KLHL32: variants seen among roughly 807,000 people sequenced by gnomAD.
KLHL32 encodes the protein kelch like family member 32.
A neutral mutation model predicts 64.8 loss-of-function variants in KLHL32; 35 were observed. The observed-to-expected ratio is 0.54, with a 90% CI of 0.41 to 0.72. KLHL32 has a LOEUF of 0.72. KLHL32 is among the 30% of genes least tolerant of loss of function. The pLI, the probability that KLHL32 is intolerant of heterozygous loss-of-function variation, is 0.00. For synonymous variants in KLHL32, 259 were observed against 281.0 expected (o/e 0.92, Z 0.78); for missense variants, 589 against 768.5 (o/e 0.77, Z 2.76).
At chr6:97,111,938 AT>A (rs1417852263) in intron 6 of KLHL32, among the ~76,000 whole-genome samples, 12 of 151,680 alleles carry the variant, frequency 7.9e-5, no homozygotes, top group South Asian at 6.2e-4. Context: ...CTCTCCAACT[AT>A]AGTCTCTGAC....
At chr6:96,954,785 GT>G (rs1355957359) in intron 1 of KLHL32, among the ~76,000 whole-genome samples, 1 of 152,192 alleles carries the variant, frequency 6.6e-6, no homozygotes, top group Non-Finnish European at 1.5e-5. Flanking sequence ...CAGTAACCAT[GT>G]AGTGCAGATT....
intron 1 of KLHL32, among the ~76,000 whole-genome samples, chr6:96,964,334 T>C (rs1255346757): frequency 2.0e-5 from 3 of 152,170 alleles, no homozygotes; most frequent in Non-Finnish European, 2.9e-5. Context: ...GTTCACTCTA[T>C]TTATGGTGAG....
At chr6:96,960,089 C>T (rs916986380) in intron 1 of KLHL32, among the ~76,000 whole-genome samples, 1 of 152,152 alleles carries the variant, frequency 6.6e-6, no homozygotes, top group African/African-American at 2.4e-5. Context: ...CAGATCCATA[C>T]AGAATAGGGG....
chr6:97,091,048 A>G (rs145317046), intron 6 of KLHL32, among the ~76,000 whole-genome samples: 132 of 152,208 alleles, frequency 8.7e-4, no homozygotes, highest in Middle Eastern at 6.8e-3. Flanking sequence ...ACATAGTGAG[A>G]CCCCTGTCTC....
At position 97,027,806 on chromosome 6, in the gene KLHL32, G is replaced by A. The variant is rs1055489647; in HGVS notation, c.205-13686G>A. Among the ~76,000 whole-genome samples the A allele has an allele frequency of 3.3e-5, 5 of 152,148 alleles. No homozygotes were observed. In the East Asian group the frequency reaches 5.8e-4, roughly 18 times the overall value. On this transcript the variant is annotated intron_variant, in intron 3 of 10. Coordinates refer to ENST00000369261, the MANE Select transcript of KLHL32 (RefSeq NM_052904.4). ...TTCTGCCCAGCCTACAAAACTTCGAGCATTGGCTTCAAGCACTAACATTTT... is the reference window on the plus strand; with the variant it reads ...TTCTGCCCAGCCTACAAAACTTCGAACATTGGCTTCAAGCACTAACATTTT...
intron 6 of KLHL32, among the ~76,000 whole-genome samples, chr6:97,110,962 A>G (rs1056034741): frequency 2.7e-4 from 41 of 152,148 alleles, no homozygotes; most frequent in Non-Finnish European, 5.6e-4. Flanking sequence ...CCTTAACATT[A>G]TAAAAGAACA....
At chr6:96,948,141 G>A (rs1327762627) in intron 1 of KLHL32, among the ~76,000 whole-genome samples, 2 of 152,132 alleles carry the variant, frequency 1.3e-5, no homozygotes, top group Non-Finnish European at 2.9e-5. Context: ...TTTGCTCTCT[G>A]GAAAATCCCT....
intron 2 of KLHL32, among the ~76,000 whole-genome samples, chr6:96,973,730 C>CTTTTTTTTTTTTTTTTTTTTTTTTT (rs558193523): frequency 2.5e-5 from 3 of 118,256 alleles, no homozygotes; most frequent in African/African-American, 6.5e-5. Context: ...TACAGATTGC[C>CTTTTTTTTTTTTTTTTTTTTTTTTT]TTTTTTTTTT....
At chr6:97,057,973 T>C (rs1788282242) in intron 4 of KLHL32, among the ~76,000 whole-genome samples, 2 of 152,212 alleles carry the variant, frequency 1.3e-5, no homozygotes. Flanking sequence ...GTCCAATTAA[T>C]CTAGCCCCAT....
At chr6:96,942,653 G>GT (rs1200251958) in intron 1 of KLHL32, among the ~76,000 whole-genome samples, 2 of 105,028 alleles carry the variant, frequency 1.9e-5, no homozygotes, top group African/African-American at 7.6e-5. Context: ...TACAGCTGTG[G>GT]GGTGTGTGTG....
intron 5 of KLHL32, among the ~76,000 whole-genome samples, chr6:97,080,672 C>T (rs189822069): frequency 7.0e-4 from 106 of 152,290 alleles, no homozygotes; most frequent in Middle Eastern, 3.4e-3. Context: ...GTGGCTTGAA[C>T]GTACCTGGCA....
intron 1 of KLHL32, among the ~76,000 whole-genome samples, chr6:96,931,556 G>T (rs561372544): frequency 7.9e-5 from 12 of 152,260 alleles, no homozygotes; most frequent in Non-Finnish European, 1.5e-4. Flanking sequence ...TACCTGGTAT[G>T]GATGTATGCA....
At chr6:96,945,165 T>C (rs1371449413) in intron 1 of KLHL32, among the ~76,000 whole-genome samples, 1 of 152,250 alleles carries the variant, frequency 6.6e-6, no homozygotes, top group Non-Finnish European at 1.5e-5. Flanking sequence ...TTAATTTTTA[T>C]TTATTGTTGT....
At chr6:96,960,374 C>T (rs769705033) in intron 1 of KLHL32, among the ~76,000 whole-genome samples, 8 of 152,150 alleles carry the variant, frequency 5.3e-5, no homozygotes, top group Admixed American at 2.0e-4. Flanking sequence ...CCCAAAACCC[C>T]TTTACCTTTG....
At chr6:97,103,103 C>G (rs550361663) in intron 6 of KLHL32, among the ~76,000 whole-genome samples, 1 of 150,254 alleles carries the variant, frequency 6.7e-6, no homozygotes, top group Non-Finnish European at 1.5e-5. Context: ...TATAAATAAA[C>G]GTATATAAAT....
Position 97,002,476 on chromosome 6 carries a change from T to C in KLHL32, c.204+26299T>C, listed in dbSNP as rs144398167. 9.1e-3 allele frequency among the ~76,000 whole-genome samples: 1,387 copies of C among 152,352 alleles called. 14 individuals are homozygous for C. Among genetic ancestry groups the C allele is most frequent in the Non-Finnish European group, 0.013 (906 of 68,028 alleles). ...AGAACCCATATTTTTGTTTATTTAT[T>C]ATTTTTTGCACTTTTAGGGTCAGGG... On this transcript the variant is annotated intron_variant, in intron 3 of 10. Transcript: ENST00000369261.
At chr6:96,912,374 C>T in the KLHL32 span, among the ~76,000 whole-genome samples, 1 of 152,156 alleles carries the variant, frequency 6.6e-6, no homozygotes, top group African/African-American at 2.4e-5. Flanking sequence ...CGTGCTTTCT[C>T]TGTAGCTTCC....
intron 4 of KLHL32, among the ~76,000 whole-genome samples, chr6:97,063,088 A>C (rs1214588068): frequency 6.6e-6 from 1 of 152,224 alleles, no homozygotes; most frequent in Non-Finnish European, 1.5e-5. Flanking sequence ...AAAAACAGTG[A>C]CATGATTTCA....
At chr6:97,039,067 G>T (rs1321945696) in intron 3 of KLHL32, among the ~76,000 whole-genome samples, 5 of 147,370 alleles carry the variant, frequency 3.4e-5, no homozygotes, top group Non-Finnish European at 5.9e-5. Flanking sequence ...TCCAGCCTGG[G>T]TGGCAGAGCA....
Sources: allele counts gnomAD v4.1 joint callset (sites outside exome capture counted in the v4.1 genomes callset), GRCh38; gene constraint gnomAD v4.1.1; transcripts MANE v1.5; gene names NCBI Gene and HGNC (gene_info 2026-07-23, HGNC 2026-07-21).